Variants in SIL1 observed in about 807,000 individuals in gnomAD.
The protein encoded by SIL1 is SIL1 nucleotide exchange factor, also known as nucleotide exchange factor SIL1.
SIL1 carries 40 observed loss-of-function variants against 49.1 expected under a neutral mutation model. That is an observed-to-expected ratio of 0.81 (90% CI 0.63 to 1.06). The LOEUF is 1.06. SIL1 is among the 50% of genes least tolerant of loss of function. SIL1 has a pLI of 0.00. For synonymous variants in SIL1, 253 were observed against 250.8 expected (o/e 1.01, Z -0.08); for missense variants, 500 against 572.6 (o/e 0.87, Z 1.29).
intron 1 of SIL1, among the ~76,000 whole-genome samples, chr5:139,169,861 C>CCCTCTTTCCACGATCTCCCTCTG (rs1751704347): frequency 6.7e-6 from 1 of 149,766 alleles, no homozygotes; most frequent in Non-Finnish European, 1.5e-5. Context: ...GTCTCCCTCT[C>CCCTCTTTCCACGATCTCCCTCTG]CCTCTTTCCA....
intron 1 of SIL1, among the ~76,000 whole-genome samples, chr5:139,161,394 A>C (rs1281592508): frequency 6.6e-6 from 1 of 152,260 alleles, no homozygotes; most frequent in African/African-American, 2.4e-5. Flanking sequence ...GTCAGGTTAA[A>C]GGTAACCATG....
chr5:139,109,845 A>C (rs1000578199), intron 3 of SIL1, among the ~76,000 whole-genome samples: 2 of 145,668 alleles, frequency 1.4e-5, no homozygotes, highest in African/African-American at 5.1e-5. Context: ...CTTGGTCATG[A>C]GATACTAGAC....
intron 4 of SIL1, among the ~76,000 whole-genome samples, chr5:139,046,105 G>A (rs1419664044): frequency 6.6e-6 from 1 of 152,206 alleles, no homozygotes; most frequent in Admixed American, 6.5e-5. Context: ...GAGGCGGGCA[G>A]ATCACGAGGT....
Position 139,132,007 on chromosome 5 carries a change from C to A in SIL1, c.-10-4154G>T, listed in dbSNP as rs997735512. ...AACAAAACAAAGATTAACCCAAAGC[C>A]ACAGATATCCCTCCCCTTCCATGAG... is the stretch of plus-strand genomic sequence containing the variant. On this transcript the variant is annotated intron_variant, in intron 1 of 9. Coordinates refer to ENST00000394817, the MANE Select transcript of SIL1 (RefSeq NM_022464.5). Among the ~76,000 whole-genome samples, 7 of 152,224 alleles carry A rather than the reference C, an allele frequency of 4.6e-5. No individual in the cohort carries two copies. The South Asian group carries it at 8.3e-4, about 18-fold the overall frequency.
At chr5:139,174,316 T>A (rs551446779) in intron 1 of SIL1, among the ~76,000 whole-genome samples, 44 of 151,638 alleles carry the variant, frequency 2.9e-4, no homozygotes, top group African/African-American at 1.1e-3. Context: ...GGGCAATATG[T>A]CAAGATCCCA....
chr5:139,171,849 C>T (rs1000892159), intron 1 of SIL1, among the ~76,000 whole-genome samples: 4 of 151,546 alleles, frequency 2.6e-5, no homozygotes, highest in African/African-American at 7.3e-5. Flanking sequence ...TAAAGGAAGG[C>T]ATGGAGAAAA....
chr5:138,996,078 T>C (rs1317398044), intron 7 of SIL1, among the ~76,000 whole-genome samples: 2 of 152,230 alleles, frequency 1.3e-5, no homozygotes, highest in Non-Finnish European at 1.5e-5. Context: ...GATTATATGG[T>C]AGTGCTAATT....
intron 2 of SIL1, among the ~76,000 whole-genome samples, chr5:139,125,279 T>C (rs1396328293): frequency 6.6e-6 from 1 of 152,228 alleles, no homozygotes; most frequent in Non-Finnish European, 1.5e-5. Context: ...CTTCTCCCTA[T>C]CACCATCATT....
intron 3 of SIL1, among the ~76,000 whole-genome samples, chr5:139,075,103 G>A (rs151203819): frequency 5.3e-4 from 81 of 152,282 alleles, no homozygotes; most frequent in South Asian, 2.7e-3. Context: ...GATTATAGGC[G>A]TGAGCCATCG....
chr5:138,983,284 G>A (rs566343803), intron 7 of SIL1, among the ~76,000 whole-genome samples: 252 of 151,050 alleles, frequency 1.7e-3, no homozygotes, highest in African/African-American at 5.8e-3. Context: ...CGAGGAGGGC[G>A]GATCACGAGG....
At chr5:139,133,249 A>C (rs1267771750) in intron 1 of SIL1, 1 of 152,206 alleles carries the variant, frequency 6.6e-6, no homozygotes, top group Non-Finnish European at 1.5e-5. Context: ...AAGAGACAAT[A>C]AGGTACTTGA....
intron 1 of SIL1, among the ~76,000 whole-genome samples, chr5:139,177,236 TTTTA>T (rs536551541): frequency 4.2e-5 from 6 of 142,306 alleles, no homozygotes; most frequent in Non-Finnish European, 4.6e-5. Context: ...CTGGCCTTTA[TTTTA>T]TTTATTTATT....
chr5:139,194,867 T>A (rs1752235405), intron 1 of SIL1, among the ~76,000 whole-genome samples: 1 of 151,152 alleles, frequency 6.6e-6, no homozygotes, highest in African/African-American at 2.4e-5. Context: ...AGAGTATGAA[T>A]CCACAAGTAT....
chr5:138,975,827 G>A (rs893340685), intron 7 of SIL1, among the ~76,000 whole-genome samples: 14 of 152,330 alleles, frequency 9.2e-5, no homozygotes, highest in South Asian at 2.1e-4. Context: ...CCAGCCAGGC[G>A]TGTAAACTGG....
chr5:139,195,874 C>T (rs1214349701), intron 1 of SIL1, among the ~76,000 whole-genome samples: 1 of 152,210 alleles, frequency 6.6e-6, no homozygotes, highest in Non-Finnish European at 1.5e-5. Context: ...AGGTTGCTTA[C>T]CCATGCCATT....
intron 1 of SIL1, among the ~76,000 whole-genome samples, chr5:139,182,526 C>T (rs1257182381): frequency 1.3e-5 from 2 of 152,152 alleles, no homozygotes; most frequent in African/African-American, 4.8e-5. Context: ...CTATTGTAAC[C>T]TGTGGTAACA....
intron 7 of SIL1, among the ~76,000 whole-genome samples, chr5:139,001,795 C>T (rs1182328385): frequency 6.6e-6 from 1 of 152,042 alleles, no homozygotes; most frequent in Non-Finnish European, 1.5e-5. Context: ...GTCCCAGCTA[C>T]TCAGGAGGCT....
intron 7 of SIL1, among the ~76,000 whole-genome samples, chr5:139,014,942 C>T (rs59850674): frequency 0.021 from 3,234 of 152,188 alleles, 123 homozygotes; most frequent in African/African-American, 0.075. Context: ...AATCTCCAAC[C>T]TTCTATTTTC....
intron 1 of SIL1, among the ~76,000 whole-genome samples, chr5:139,166,399 T>C (rs1751625402): frequency 6.6e-6 from 1 of 152,216 alleles, no homozygotes; most frequent in Non-Finnish European, 1.5e-5. Flanking sequence ...TAGTGGCTCA[T>C]GCCTGCAATC....
Sources: allele counts gnomAD v4.1 joint callset (sites outside exome capture counted in the v4.1 genomes callset), GRCh38; gene constraint gnomAD v4.1.1; transcripts MANE v1.5; gene names NCBI Gene and HGNC (gene_info 2026-07-23, HGNC 2026-07-21).